Variants in DSTN observed in about 807,000 individuals in gnomAD.
DSTN encodes destrin.
DSTN carries 10 observed loss-of-function variants against 16.8 expected under a neutral mutation model. The observed-to-expected ratio is 0.60, with a 90% CI of 0.37 to 1.01. The LOEUF is 1.01. DSTN is among the 50% of genes least tolerant of loss of function. The pLI, the probability that DSTN is intolerant of heterozygous loss-of-function variation, is 0.01. For synonymous variants in DSTN, 57 were observed against 58.9 expected, an observed-to-expected ratio of 0.97 and a Z score of 0.14; for missense variants, 141 against 196.7, an observed-to-expected ratio of 0.72 and a Z score of 1.69.
rs71192397 is a variant in DSTN at position 17,583,735 on chromosome 20, C to CTTTTTTTTTTTTTTTTTTTTTTTT, written c.3+13547_3+13548insTTTTTTTTTTTTTTTTTTTTTTTT. Among the ~76,000 whole-genome samples, 3 of 72,484 alleles carry CTTTTTTTTTTTTTTTTTTTTTTTT rather than the reference C, an allele frequency of 4.1e-5. 1 individual carries two copies. Among genetic ancestry groups the CTTTTTTTTTTTTTTTTTTTTTTTT allele is most frequent in the Non-Finnish European group, 7.1e-5 (3 of 42,478 alleles). 47.6% of individuals were successfully genotyped at this position (72,484 alleles called of 152,430 possible). ...ATGACTGCTAATGGGTTTGGAGTTT[C>CTTTTTTTTTTTTTTTTTTTTTTTT]TTTTTTTTTTTTTTTTTTTTTTTGA... is the stretch of plus-strand genomic sequence containing the variant. On this transcript the variant is annotated intron_variant, in intron 1 of 3. Coordinates refer to ENST00000246069, the MANE Select transcript of DSTN (RefSeq NM_006870.4).
At chr20:17,571,324 A>G (rs1600695559) in intron 1 of DSTN, among the ~76,000 whole-genome samples, 1 of 152,244 alleles carries the variant, frequency 6.6e-6, no homozygotes, top group East Asian at 1.9e-4. Context: ...ATCTGCATAC[A>G]AACTGTTTTC....
intron 1 of DSTN, among the ~76,000 whole-genome samples, chr20:17,598,522 C>G (rs1213637274): frequency 6.9e-6 from 1 of 145,184 alleles, no homozygotes; most frequent in African/African-American, 2.9e-5. Flanking sequence ...GGAGAACTGT[C>G]TATTTAAATC....
rs2104074 is a variant in DSTN at position 17,580,510 on chromosome 20, G to A, written c.3+10299G>A. Among the ~76,000 whole-genome samples the A allele has an allele frequency of 9.6e-3, 1,461 of 152,342 alleles. 12 individuals carry two copies. The highest frequency in any genetic ancestry group is 0.014 in the Non-Finnish European group (940 of 68,032). ...TGCTTGTAATCCAGCACTTTGTGAGGCTGAGGTGGGTGGATCACCTGAGGT... is the reference window on the plus strand; with the variant it reads ...TGCTTGTAATCCAGCACTTTGTGAGACTGAGGTGGGTGGATCACCTGAGGT... On this transcript the variant is annotated intron_variant, in intron 1 of 3. Coordinates refer to ENST00000246069, the MANE Select transcript of DSTN (RefSeq NM_006870.4).
chr20:17,605,109 G>A, intron 3 of DSTN: 1 of 456,386 alleles, frequency 2.2e-6, no homozygotes, highest in Non-Finnish European at 4.4e-6. Context: ...TGTGTCCCAA[G>A]GAAAGTGCAC....
chr20:17,570,325 C>A, intron 1 of DSTN, 114 bp downstream of exon 1: 2 of 1,317,942 alleles, frequency 1.5e-6, no homozygotes, highest in Non-Finnish European at 2.0e-6. Flanking sequence ...GGGGAGGGAC[C>A]CGGTCCGGCT....
At chr20:17,570,980 A>G (rs1439438562) in intron 1 of DSTN, among the ~76,000 whole-genome samples, 3 of 152,210 alleles carry the variant, frequency 2.0e-5, no homozygotes, top group Admixed American at 6.5e-5. Context: ...AGGTGTGGGC[A>G]TGATGCTGGG....
rs111690411 is a variant in DSTN, at chr20:17,572,312, A to G, written c.3+2101A>G. Among the ~76,000 whole-genome samples, 1,175 of 152,300 alleles carry G rather than the reference A, an allele frequency of 7.7e-3. 13 individuals are homozygous for G. The highest frequency in any genetic ancestry group is 0.024 in the African/African-American group (1,005 of 41,552). Reference sequence around the variant, plus strand: ...AACAACGTCTGCCTCCACGTGAACCACAATTACAGACCCCAAACAAAACGT... The same window carrying G: ...AACAACGTCTGCCTCCACGTGAACCGCAATTACAGACCCCAAACAAAACGT... On this transcript the variant is annotated intron_variant, in intron 1 of 3. Transcript: ENST00000246069.
rs977614030 is a variant in DSTN at position 17,600,728 on chromosome 20, C to G, written c.4-10C>G. On this transcript the variant is annotated splice_polypyrimidine_tract_variant and intron_variant, in intron 1 of 3. Transcript: ENST00000246069. Reference sequence around the variant, plus strand: ...TGTAAGTCTTTTTCTCATGTATTTTCTCATCATAGGCCTCAGGAGTGCAAG... The same window carrying G: ...TGTAAGTCTTTTTCTCATGTATTTTGTCATCATAGGCCTCAGGAGTGCAAG... 3.2e-6 allele frequency: 5 copies of G among 1,556,686 alleles called. No homozygotes were observed. The highest frequency in any genetic ancestry group is 4.3e-6 in the Non-Finnish European group (5 of 1,154,390).
At chr20:17,586,561 A>G (rs2035410898) in intron 1 of DSTN, among the ~76,000 whole-genome samples, 1 of 152,224 alleles carries the variant, frequency 6.6e-6, no homozygotes, top group Non-Finnish European at 1.5e-5. Flanking sequence ...GAGAAAGAAG[A>G]GATGCACATT....
At chr20:17,574,844 C>T (rs567382537) in intron 1 of DSTN, among the ~76,000 whole-genome samples, 135 of 78,786 alleles carry the variant, frequency 1.7e-3, no homozygotes, top group East Asian at 4.3e-3. Flanking sequence ...TTTTTTCTTT[C>T]TTTTCTTTTT....
At chr20:17,590,896 C>T (rs888090633) in intron 1 of DSTN, among the ~76,000 whole-genome samples, 3 of 152,132 alleles carry the variant, frequency 2.0e-5, no homozygotes, top group African/African-American at 7.2e-5. Context: ...CACTTGAGGC[C>T]AGGAGTTCGA....
intron 2 of DSTN, among the ~76,000 whole-genome samples, chr20:17,603,591 C>T (rs1220925838): frequency 6.6e-6 from 1 of 152,168 alleles, no homozygotes; most frequent in Non-Finnish European, 1.5e-5. Flanking sequence ...TCCGTGCAAG[C>T]AGTCTGAGTG....
intron 2 of DSTN, among the ~76,000 whole-genome samples, chr20:17,603,139 A>G (rs1815881943): frequency 1.3e-5 from 2 of 152,236 alleles, no homozygotes; most frequent in African/African-American, 4.8e-5. Flanking sequence ...CCTCTGAGAG[A>G]CAGACTGCCC....
intron 1 of DSTN, among the ~76,000 whole-genome samples, chr20:17,582,268 T>C (rs6080743): frequency 0.48 from 73,507 of 151,678 alleles, 22,134 homozygotes; most frequent in Middle Eastern, 0.67. Context: ...TTAGTAGAGA[T>C]GGGTTTTCAA....
intron 1 of DSTN, chr20:17,596,592 CAG>C (rs1328717955): frequency 9.1e-6 from 9 of 983,818 alleles, no homozygotes; most frequent in Non-Finnish European, 1.1e-5. Context: ...TGCTGTAGTT[CAG>C]AGCTTTCTTC....
intron 1 of DSTN, among the ~76,000 whole-genome samples, chr20:17,598,544 T>G (rs1317024149): frequency 4.6e-5 from 7 of 152,210 alleles, no homozygotes; most frequent in Non-Finnish European, 7.3e-5. Context: ...TTTAAAACTG[T>G]TTTTTAATTG....
chr20:17,573,503 C>G (rs1333004382), intron 1 of DSTN, among the ~76,000 whole-genome samples: 1 of 151,932 alleles, frequency 6.6e-6, no homozygotes, highest in Non-Finnish European at 1.5e-5. Flanking sequence ...AGGCAATTTC[C>G]ATGTCATATA....
chr20:17,605,067 T>C (rs1022449246), intron 3 of DSTN: 22 of 456,612 alleles, frequency 4.8e-5, no homozygotes, highest in African/African-American at 3.6e-4. Flanking sequence ...GCTTTACTGT[T>C]GAATGGCATG....
At chr20:17,605,191 A>C (rs1366063191) in intron 3 of DSTN, 13 of 456,266 alleles carry the variant, frequency 2.8e-5, no homozygotes, top group South Asian at 1.9e-4. Flanking sequence ...TGGCCTGGCC[A>C]GACTTCAGCC....
Sources: gnomAD v4.1 joint callset for allele counts (sites outside exome capture counted in the v4.1 genomes callset) on GRCh38, gnomAD v4.1.1 for gene constraint, MANE v1.5 for transcripts, NCBI Gene and HGNC (gene_info 2026-07-23, HGNC 2026-07-21) for gene names.